The following ANKRD30A variants were observed in gnomAD, a reference collection of about 807,000 sequenced individuals.
The protein encoded by ANKRD30A is ankyrin repeat domain 30A.
Under a neutral mutation model 166.3 loss-of-function variants are expected in ANKRD30A, and 170 were observed. That is an observed-to-expected ratio of 1.02 (90% CI 0.90 to 1.16). The LOEUF (loss-of-function observed/expected upper bound fraction) is 1.16. Ranked by LOEUF, ANKRD30A falls within the 50% of genes most tolerant of loss-of-function variation. ANKRD30A has a pLI of 0.00. For synonymous variants in ANKRD30A, 564 were observed against 508.9 expected (o/e 1.11, Z -1.46); for missense variants, 1,630 against 1,518.0 (o/e 1.07, Z -1.23).
At chr10:37,258,654 A>T in the ANKRD30A span, among the ~76,000 whole-genome samples, 13 of 121,036 alleles carry the variant, frequency 1.1e-4, no homozygotes, top group African/African-American at 2.0e-4. Context: ...GTTAAAAATT[A>T]AAAAAAAAAA....
At chr10:37,220,068 A>G (rs1390984682) in intron 34 of ANKRD30A, among the ~76,000 whole-genome samples, 171 bp downstream of exon 34, 1 of 145,308 alleles carries the variant, frequency 6.9e-6, no homozygotes, top group East Asian at 2.0e-4. Flanking sequence ...TGCACTTACT[A>G]TATCAGCTTA....
chr10:37,165,419 A>G (rs1277908137), intron 18 of ANKRD30A, among the ~76,000 whole-genome samples: 4 of 152,348 alleles, frequency 2.6e-5, no homozygotes, highest in South Asian at 2.1e-4. Context: ...AGAAATTCAC[A>G]TGGGATCTGG....
At chr10:37,250,735 A>G in the ANKRD30A span, among the ~76,000 whole-genome samples, 3 of 152,228 alleles carry the variant, frequency 2.0e-5, no homozygotes, top group Non-Finnish European at 4.4e-5. Context: ...GACACCATCT[A>G]TGAGGAACGG....
chr10:37,232,677 T>TATATATATATATATATAC, downstream of ANKRD30A: 1 of 7,324 alleles, frequency 1.4e-4, no homozygotes, highest in East Asian at 0.023. Context: ...TATATATATA[T>TATATATATATATATATAC]ATATATATAT....
chr10:37,158,095 G>A (rs1307064678), intron 13 of ANKRD30A, among the ~76,000 whole-genome samples: 8 of 151,968 alleles, frequency 5.3e-5, no homozygotes, highest in Admixed American at 2.6e-4. Context: ...TTATACGGCC[G>A]CTTTCTCTTA....
chr10:37,203,910 A>T (rs1841816631), intron 31 of ANKRD30A, among the ~76,000 whole-genome samples: 1 of 152,210 alleles, frequency 6.6e-6, no homozygotes, highest in African/African-American at 2.4e-5. Flanking sequence ...AGAATAAAAT[A>T]TCTAGGAATC....
rs1209644461 is a variant in ANKRD30A at position 37,219,219 on chromosome 10, A to T, written c.3507A>T (p.Lys1169Asn). Residue 1169 changes from lysine to asparagine, a missense_variant, in exon 34 of 36, where the codon AAA (lysine) becomes AAT (asparagine). Physicochemically the swap from Lys to Asn is moderately conservative, Grantham distance 94. Around this residue, in one of 4 missense-constraint regions of ANKRD30A, gnomAD observed 712 missense variants for 629.3 expected, o/e 1.13. Transcript: ENST00000361713. ...CATCTCAATATAGTGGGCAGCTTAA[A>T]GTTCTGATAGCTGAGAACACAATGC... Reference protein sequence around the residue: ...KRASQYSGQLKVLIAENTMLT... With the variant: ...KRASQYSGQLNVLIAENTMLT... 1.2e-6 allele frequency: 2 copies of T among 1,610,744 alleles called. No individual in the cohort carries two copies. Among genetic ancestry groups the T allele is most frequent in the South Asian group, 1.1e-5 (1 of 90,998 alleles).
chr10:37,248,161 G>T, the ANKRD30A span: 4 of 634,172 alleles, frequency 6.3e-6, no homozygotes, highest in African/African-American at 1.8e-5. Context: ...GTCTTCCAGA[G>T]GTCTTGCACT....
chr10:37,241,481 T>A, the ANKRD30A span, among the ~76,000 whole-genome samples: 1 of 151,988 alleles, frequency 6.6e-6, no homozygotes, highest in African/African-American at 2.4e-5. Flanking sequence ...TTTAACAAAC[T>A]TTTTAGTGGA....
intron 34 of ANKRD30A, among the ~76,000 whole-genome samples, chr10:37,228,199 CAA>C (rs1178621623): frequency 2.0e-5 from 3 of 151,876 alleles, no homozygotes; most frequent in African/African-American, 7.2e-5. Context: ...TTATAAGAGA[CAA>C]ATAATAGTGA....
At chr10:37,247,881 C>CAAAAAAAAAAA in the ANKRD30A span, among the ~76,000 whole-genome samples, 1 of 53,192 alleles carries the variant, frequency 1.9e-5, no homozygotes, top group African/African-American at 7.0e-5. Context: ...GACTCCATCT[C>CAAAAAAAAAAA]AAAAAAAAAA....
chr10:37,258,653 T>TA, the ANKRD30A span, among the ~76,000 whole-genome samples: 1,002 of 116,220 alleles, frequency 8.6e-3, 14 homozygotes, highest in Middle Eastern at 0.039. Flanking sequence ...GGTTAAAAAT[T>TA]AAAAAAAAAA....
intron 31 of ANKRD30A, 42 bp from the exon 32 acceptor site, chr10:37,216,139 A>G (rs768678051): frequency 5.7e-6 from 8 of 1,412,242 alleles, no homozygotes; most frequent in South Asian, 2.5e-5. Flanking sequence ...TTATATCCCA[A>G]AAGTACTAAT....
chr10:37,201,802 CT>C (rs1209645070), intron 31 of ANKRD30A, among the ~76,000 whole-genome samples: 2 of 152,048 alleles, frequency 1.3e-5, no homozygotes, highest in African/African-American at 4.8e-5. Context: ...TAATGTCTTT[CT>C]CACTGGTGGG....
chr10:37,152,039 T>A, intron 11 of ANKRD30A, 21 bp from the exon 12 acceptor site: 13 of 1,586,598 alleles, frequency 8.2e-6, no homozygotes, highest in Non-Finnish European at 9.5e-6. Context: ...CATGAATGTT[T>A]CTGTGATTAA....
At chr10:37,138,807 G>T (rs1836899380) in intron 6 of ANKRD30A, among the ~76,000 whole-genome samples, 1 of 152,170 alleles carries the variant, frequency 6.6e-6, no homozygotes, top group African/African-American at 2.4e-5. Context: ...CACTTTGCAG[G>T]ATATTATCCA....
At chr10:37,261,519 A>C in the ANKRD30A span, among the ~76,000 whole-genome samples, 2 of 152,214 alleles carry the variant, frequency 1.3e-5, no homozygotes, top group Non-Finnish European at 2.9e-5. Flanking sequence ...AAAAGGTTCA[A>C]TGTTGGCATT....
chr10:37,189,925 G>C (rs1289897036), intron 25 of ANKRD30A, among the ~76,000 whole-genome samples: 1 of 151,808 alleles, frequency 6.6e-6, no homozygotes, highest in Non-Finnish European at 1.5e-5. Flanking sequence ...TGAAATGATT[G>C]CTTAGGAAAA....
intron 31 of ANKRD30A, among the ~76,000 whole-genome samples, chr10:37,211,546 G>T (rs1286090285): frequency 6.6e-6 from 1 of 152,116 alleles, no homozygotes. Flanking sequence ...TTGGACATTT[G>T]TGTTGGTTCC....
Sources: allele counts gnomAD v4.1 joint callset (sites outside exome capture counted in the v4.1 genomes callset), GRCh38; gene constraint gnomAD v4.1.1; regional missense constraint gnomAD v4.1.1; transcripts MANE v1.5; gene names NCBI Gene and HGNC (gene_info 2026-07-23, HGNC 2026-07-21).